Variants in PSD3 observed in about 807,000 individuals in gnomAD.
The protein encoded by PSD3 is pleckstrin and Sec7 domain containing 3, also known as PH and SEC7 domain-containing protein 3.
PSD3 carries 49 observed loss-of-function variants against 105.5 expected under a neutral mutation model. The observed-to-expected ratio is 0.46, with a 90% CI of 0.37 to 0.59. PSD3 has a LOEUF of 0.59. Ranked by LOEUF, PSD3 falls within the 20% of genes least tolerant of loss-of-function variation. The pLI, the probability that PSD3 is intolerant of heterozygous loss-of-function variation, is 0.00. For missense variants in PSD3, 1,561 were observed against 1,263.8 expected (o/e 1.24, Z -3.57); for synonymous variants, 557 against 457.8 (o/e 1.22, Z -2.77).
chr8:18,635,247 C>G (rs1280384275), intron 10 of PSD3, among the ~76,000 whole-genome samples: 1 of 152,112 alleles, frequency 6.6e-6, no homozygotes, highest in Non-Finnish European at 1.5e-5. Flanking sequence ...TGTCCTGGCC[C>G]TGAAATCAAC....
rs73585884 is a variant in PSD3 at position 18,638,517 on chromosome 8, T to C, written c.2217-5711A>G. ...ACTACTCAAAGAATTAAGAAAACAA[T>C]CCCACTTCCAAAAGCATTAAAAACA... On this transcript the variant is annotated intron_variant, in intron 10 of 15. Transcript: ENST00000327040. Among the ~76,000 whole-genome samples, 958 of 149,502 alleles carry C rather than the reference T, an allele frequency of 6.4e-3. 12 individuals are homozygous for C. Among genetic ancestry groups the C allele is most frequent in the African/African-American group, 0.023 (917 of 40,392 alleles).
intron 4 of PSD3, among the ~76,000 whole-genome samples, chr8:18,828,147 T>C (rs185141472): frequency 6.7e-6 from 1 of 150,246 alleles, no homozygotes; most frequent in East Asian, 2.0e-4. Flanking sequence ...GCAGCAGAGC[T>C]ACAAGCTATG....
chr8:18,649,562 C>T (rs542570991), intron 10 of PSD3, among the ~76,000 whole-genome samples: 3 of 152,178 alleles, frequency 2.0e-5, no homozygotes, highest in East Asian at 3.9e-4. Context: ...TGAGTTAAGG[C>T]TGAAATGAGT....
At chr8:18,543,920 TGAATAC>T (rs1236955857) in intron 15 of PSD3, among the ~76,000 whole-genome samples, 1 of 152,076 alleles carries the variant, frequency 6.6e-6, no homozygotes, top group East Asian at 1.9e-4. Flanking sequence ...CTCTGATACA[TGAATAC>T]GATAGTAACA....
chr8:18,813,403 C>A (rs958626599), intron 4 of PSD3, among the ~76,000 whole-genome samples: 9 of 152,142 alleles, frequency 5.9e-5, no homozygotes, highest in African/African-American at 2.2e-4. Context: ...CCCCTGTCTG[C>A]AAGAATTCAG....
intron 2 of PSD3, among the ~76,000 whole-genome samples, chr8:18,912,689 G>A (rs1482909985): frequency 3.3e-5 from 5 of 152,024 alleles, no homozygotes; most frequent in African/African-American, 4.8e-5. Context: ...CTTCAGTCCC[G>A]ACCAGAACCC....
chr8:18,680,654 G>C (rs1054782296), intron 9 of PSD3, among the ~76,000 whole-genome samples: 12 of 152,036 alleles, frequency 7.9e-5, no homozygotes, highest in Admixed American at 6.6e-5. Context: ...AAAAGACAAA[G>C]CCACACTCTC....
At chr8:18,560,226 A>G (rs541316387) in intron 14 of PSD3, among the ~76,000 whole-genome samples, 191 of 151,868 alleles carry the variant, frequency 1.3e-3, no homozygotes, top group African/African-American at 4.3e-3. Context: ...AAAAACAACA[A>G]CAGCAACAAC....
intron 12 of PSD3, among the ~76,000 whole-genome samples, chr8:18,589,785 G>A (rs775236178): frequency 6.6e-6 from 1 of 152,114 alleles, no homozygotes; most frequent in Admixed American, 6.5e-5. Context: ...AAAAAGAAAA[G>A]ACAAAGAAAC....
chr8:18,808,773 C>A (rs745736461), intron 4 of PSD3: 90 of 1,613,922 alleles, frequency 5.6e-5, no homozygotes, highest in Non-Finnish European at 7.5e-5. Flanking sequence ...ATACAGACAC[C>A]AAGAAGAGCC....
intron 1 of PSD3, among the ~76,000 whole-genome samples, chr8:19,022,019 G>A (rs763539782): frequency 1.1e-4 from 16 of 152,196 alleles, no homozygotes; most frequent in Non-Finnish European, 1.8e-4. Flanking sequence ...AGCTTCTGGC[G>A]AGACTCAGGA....
At chr8:18,828,057 A>ATG (rs1178847952) in intron 4 of PSD3, among the ~76,000 whole-genome samples, 1 of 112,630 alleles carries the variant, frequency 8.9e-6, no homozygotes, top group African/African-American at 3.8e-5. Flanking sequence ...GTATATATAT[A>ATG]TATATATATA....
chr8:18,712,828 CA>C (rs1198228731), intron 9 of PSD3, among the ~76,000 whole-genome samples: 2 of 151,824 alleles, frequency 1.3e-5, no homozygotes, highest in African/African-American at 4.8e-5. Flanking sequence ...AGAGATATAA[CA>C]AAAAAAAGAA....
In PSD3 at chr8:18,535,924, T is replaced by C; in HGVS notation, c.2963A>G (p.Lys988Arg). 6.2e-7 allele frequency: 1 copy of C among 1,614,176 alleles called. No homozygotes were observed. The highest frequency in any genetic ancestry group is 8.5e-7 in the Non-Finnish European group (1 of 1,180,028). Residue 988 changes from lysine (K) to arginine (R), a missense_variant, in exon 16 of 16, where the codon AAG becomes AGG. Coordinates refer to ENST00000327040, the MANE Select transcript of PSD3 (RefSeq NM_015310.4). ...ACTCAGTAGCTCTTTGCCTCCTTCC[T>C]TGAGAATGCTGACATACATTTCATA... ...TRYEMYVSILKEGGKELLSND... is the reference protein window; with the variant it reads ...TRYEMYVSILREGGKELLSND...
intron 2 of PSD3, among the ~76,000 whole-genome samples, chr8:18,878,351 T>C (rs960557413): frequency 6.6e-6 from 1 of 152,172 alleles, no homozygotes; most frequent in East Asian, 1.9e-4. Flanking sequence ...GGATTCTACA[T>C]ACCAGATCAT....
chr8:18,640,800 A>G (rs747766548), intron 10 of PSD3, among the ~76,000 whole-genome samples: 2 of 152,112 alleles, frequency 1.3e-5, no homozygotes, highest in Non-Finnish European at 2.9e-5. Context: ...AATTAGCCCC[A>G]CTGACCTACC....
rs1806887740 is a variant in PSD3 at position 18,765,332 on chromosome 8, A to G, written c.2172+117T>C. ...ACAAGGCTTAAAAGAAACATCACCA[A>G]TAAAACCAAAAGCAAAAAGCAAAAT... On this transcript the variant is annotated intron_variant, in intron 9 of 15. Transcript: ENST00000327040. 4.5e-6 allele frequency: 4 copies of G among 890,610 alleles called. No individual in the cohort carries two copies. The East Asian group carries it at 1.0e-4, about 22-fold the overall frequency. 55.2% of individuals were successfully genotyped at this position (890,610 alleles called of 1,614,324 possible).
chr8:18,656,221 C>T (rs377675164), intron 9 of PSD3, among the ~76,000 whole-genome samples: 5 of 152,058 alleles, frequency 3.3e-5, no homozygotes, highest in African/African-American at 1.2e-4. Context: ...CCACACCTGG[C>T]TAATTTTTGT....
chr8:18,766,817 C>A (rs1038611), intron 8 of PSD3, among the ~76,000 whole-genome samples: 1 of 152,032 alleles, frequency 6.6e-6, no homozygotes, highest in African/African-American at 2.4e-5. Flanking sequence ...ACAGAGCAAC[C>A]TGAATAGGGC....
Sources: allele counts gnomAD v4.1 joint callset (sites outside exome capture counted in the v4.1 genomes callset), GRCh38; gene constraint gnomAD v4.1.1; transcripts MANE v1.5; gene names NCBI Gene and HGNC (gene_info 2026-07-23, HGNC 2026-07-21).